The following LUZP1 variants were observed in gnomAD, a reference collection of about 807,000 sequenced individuals.
LUZP1 encodes filamin mechanobinding actin cross-linking protein.
A neutral mutation model predicts 71.3 loss-of-function variants in LUZP1; 25 were observed. The ratio of observed to expected loss-of-function variants is 0.35; its 90% CI spans 0.26 to 0.49. The LOEUF (loss-of-function observed/expected upper bound fraction) is 0.49, where lower values mean the gene tolerates loss of function less well. Ranked by LOEUF, LUZP1 falls within the 20% of genes least tolerant of loss-of-function variation. The pLI is 0.99. For missense variants in LUZP1, 1,142 were observed against 1,300.8 expected (o/e 0.88, Z 1.88); for synonymous variants, 481 against 506.4 (o/e 0.95, Z 0.67).
At chr1:23,116,615 G>C (rs1644081584) in intron 2 of LUZP1, among the ~76,000 whole-genome samples, 1 of 151,160 alleles carries the variant, frequency 6.6e-6, no homozygotes. Context: ...GAAGAAAAAA[G>C]AGAAAAGAAA....
chr1:23,130,630 C>T (rs542068649), intron 2 of LUZP1, among the ~76,000 whole-genome samples: 1 of 149,428 alleles, frequency 6.7e-6, no homozygotes, highest in East Asian at 2.0e-4. Context: ...TGGCAAAGTG[C>T]TGGGATTTCA....
intron 2 of LUZP1, among the ~76,000 whole-genome samples, chr1:23,151,327 A>C (rs1172116939): frequency 1.3e-5 from 2 of 152,136 alleles, no homozygotes; most frequent in African/African-American, 4.8e-5. Flanking sequence ...TACAGACATG[A>C]GCCACCGCAC....
intron 2 of LUZP1, among the ~76,000 whole-genome samples, chr1:23,156,773 C>T (rs565460647): frequency 9.9e-5 from 15 of 152,282 alleles, no homozygotes; most frequent in Non-Finnish European, 2.1e-4. Flanking sequence ...ACTTTTTTGA[C>T]GTGCCATTTA....
At chr1:23,121,405 G>A (rs1488746686) in intron 2 of LUZP1, among the ~76,000 whole-genome samples, 1 of 152,036 alleles carries the variant, frequency 6.6e-6, no homozygotes, top group Non-Finnish European at 1.5e-5. Flanking sequence ...TTTATATAAA[G>A]TCTTATCCAA....
chr1:23,142,730 C>T (rs1644314920), intron 2 of LUZP1, among the ~76,000 whole-genome samples: 1 of 101,968 alleles, frequency 9.8e-6, no homozygotes, highest in Non-Finnish European at 2.1e-5. Flanking sequence ...CACACACACA[C>T]ACACACACAC....
rs776718123 is a variant in LUZP1 at position 23,093,049 on chromosome 1, T to G, written c.1213A>C (p.Arg405=). 6.8e-6 allele frequency: 11 copies of G among 1,614,194 alleles called. No individual in the cohort carries two copies. In the East Asian group the frequency reaches 2.5e-4, roughly 36 times the overall value. The change falls in exon 4 of 5, where the codon AGG becomes CGG. Residue 405 remains arginine, a synonymous_variant. Transcript: ENST00000302291. The surrounding 1 kb of genome is among the most constrained non-coding windows in gnomAD (Gnocchi z 4.2). ...TTTTCATTGTTGAGAGCAAACTCCC[T>G]GTTCCGGAGTCGTTCCCGCTTATGC... is the stretch of plus-strand genomic sequence containing the variant.
At chr1:23,090,066 A>G (rs1055340350) in intron 4 of LUZP1, among the ~76,000 whole-genome samples, 24 of 152,104 alleles carry the variant, frequency 1.6e-4, no homozygotes, top group African/African-American at 5.3e-4. Flanking sequence ...CCAGAATTCT[A>G]CCTTTTTAAT....
chr1:23,152,424 T>C (rs1644391243), intron 2 of LUZP1, among the ~76,000 whole-genome samples: 1 of 152,172 alleles, frequency 6.6e-6, no homozygotes, highest in South Asian at 2.1e-4. Context: ...AAAAAGCATA[T>C]GGATATAATG....
In LUZP1 at chr1:23,168,861, A is replaced by AGG. The variant is rs1259535884; in HGVS notation, c.-323_-322dup. The AGG allele has an allele frequency of 2.6e-5, 4 of 152,216 alleles. No homozygotes were observed. Among genetic ancestry groups the AGG allele is most frequent in the African/African-American group, 9.7e-5 (4 of 41,374 alleles). 9.4% of individuals were successfully genotyped at this position (152,216 alleles called of 1,614,324 possible). On this transcript the variant is annotated 5_prime_UTR_variant, in exon 2 of 5. Coordinates refer to ENST00000302291, the Ensembl canonical transcript of LUZP1. Reference sequence around the variant, plus strand: ...CTCTGGCTCCGCGGGACTGACAATGAGGGGCGGGGCCAAATTGTGACGTCA... The same window carrying AGG: ...CTCTGGCTCCGCGGGACTGACAATGAGGGGGGCGGGGCCAAATTGTGACGTCA...
chr1:23,159,411 G>C (rs529197768), intron 2 of LUZP1, among the ~76,000 whole-genome samples: 2 of 152,124 alleles, frequency 1.3e-5, no homozygotes, highest in Non-Finnish European at 1.5e-5. Flanking sequence ...TCATGCCAAA[G>C]ATGTCACTAA....
chr1:23,105,988 G>A (rs1279829613), intron 3 of LUZP1, among the ~76,000 whole-genome samples: 1 of 152,026 alleles, frequency 6.6e-6, no homozygotes, highest in African/African-American at 2.4e-5. Flanking sequence ...AAAATGAAAT[G>A]CTCTGATATA....
intron 3 of LUZP1, among the ~76,000 whole-genome samples, chr1:23,095,214 T>C (rs1370791011): frequency 6.6e-6 from 1 of 152,222 alleles, no homozygotes; most frequent in Non-Finnish European, 1.5e-5. Flanking sequence ...AATTTTCTCA[T>C]TTTTAAAACA....
chr1:23,089,131 T>G (rs1447666661), intron 4 of LUZP1, 78 bp from the exon 4 acceptor site: 1 of 1,430,296 alleles, frequency 7.0e-7, no homozygotes, highest in African/African-American at 1.4e-5. Context: ...GCTACCATAG[T>G]GGGTCCTTTC....
chr1:23,117,507 TGGGGGGG>T lies in LUZP1; in HGVS notation c.-225-8387_-225-8381del, dbSNP rs1215139251. Among the ~76,000 whole-genome samples, 17 of 23,090 alleles carry T rather than the reference TGGGGGGG, an allele frequency of 7.4e-4. 2 individuals are homozygous for T. The highest frequency in any genetic ancestry group is 2.7e-3 in the African/African-American group (12 of 4,442). 15.1% of individuals were successfully genotyped at this position (23,090 alleles called of 152,430 possible). ...CCCCCCCCCCACAATCAGGAAGCCCTGGGGGGGGGGGCGGGGGGGGGGAACACCTTGA... is the reference window on the plus strand; with the variant it reads ...CCCCCCCCCCACAATCAGGAAGCCCTGGGGCGGGGGGGGGGAACACCTTGA... On this transcript the variant is annotated intron_variant, in intron 2 of 4. Transcript: ENST00000302291.
At chr1:23,151,399 A>G (rs1644382824) in intron 2 of LUZP1, among the ~76,000 whole-genome samples, 1 of 152,166 alleles carries the variant, frequency 6.6e-6, no homozygotes, top group Admixed American at 6.5e-5. Flanking sequence ...AAAAGGATAG[A>G]TAACACCAGT....
chr1:23,137,916 CA>C (rs1644267624), intron 2 of LUZP1, among the ~76,000 whole-genome samples: 1 of 152,112 alleles, frequency 6.6e-6, no homozygotes, highest in South Asian at 2.1e-4. Context: ...TCATGACAGC[CA>C]AAAATTGAAA....
At chr1:23,170,462 C>CTTTTTTTTT (rs200073505) in intron 1 of LUZP1, among the ~76,000 whole-genome samples, 15 of 127,422 alleles carry the variant, frequency 1.2e-4, no homozygotes, top group African/African-American at 2.4e-4. Flanking sequence ...CTTTTTCTTT[C>CTTTTTTTTT]TTTTTTTTTT....
chr1:23,145,953 A>G (rs1168161694), intron 2 of LUZP1, among the ~76,000 whole-genome samples: 2 of 152,238 alleles, frequency 1.3e-5, no homozygotes, highest in African/African-American at 2.4e-5. Context: ...ATTACTACAC[A>G]TGGATTAAGG....
intron 2 of LUZP1, among the ~76,000 whole-genome samples, chr1:23,146,729 C>G (rs1644345921): frequency 6.6e-6 from 1 of 152,048 alleles, no homozygotes; most frequent in African/African-American, 2.4e-5. Flanking sequence ...CCGGGAAGAT[C>G]AAGGCTGCAG....
Sources: allele counts gnomAD v4.1 joint callset (sites outside exome capture counted in the v4.1 genomes callset), GRCh38; gene constraint gnomAD v4.1.1; non-coding constraint Gnocchi (gnomAD v3.1); transcripts MANE v1.5; gene names NCBI Gene and HGNC (gene_info 2026-07-23, HGNC 2026-07-21).